Variants in LRFN4 observed in about 807,000 individuals in gnomAD.
The protein encoded by LRFN4 is leucine rich repeat and fibronectin type III domain containing 4, also known as leucine-rich repeat and fibronectin type-III domain-containing protein 4.
LRFN4 carries 10 observed loss-of-function variants against 29.0 expected under a neutral mutation model. The observed-to-expected ratio is 0.35, with a 90% CI of 0.21 to 0.59. The LOEUF is 0.59. LRFN4 is among the 20% of genes least tolerant of loss of function. The pLI, the probability that LRFN4 is intolerant of heterozygous loss-of-function variation, is 0.82. For missense variants in LRFN4, 850 were observed against 907.9 expected (o/e 0.94, Z 0.82); for synonymous variants, 493 against 437.0 (o/e 1.13, Z -1.60).
chr11:66,857,594 A>C lies in LRFN4; in HGVS notation c.-151A>C. On this transcript the variant is annotated 5_prime_UTR_variant, in exon 1 of 2. Coordinates refer to ENST00000309602, the MANE Select transcript of LRFN4 (RefSeq NM_024036.5). This position sits in a 1 kb window ranked among gnomAD's most constrained non-coding sequence, Gnocchi z 7.1. ...GCCCTGCAGGCCCCAACCTTCCCTC[A>C]TCTCTGGCGGCCCTCTTGGGCCTCT... The C allele has an allele frequency of 1.3e-6, 1 of 795,096 alleles. No homozygotes were observed. Among genetic ancestry groups the C allele is most frequent in the Middle Eastern group, 3.8e-4 (1 of 2,616 alleles). The allele number at this position is 795,096 out of a possible 1,614,324, so 49.3% of individuals were successfully genotyped here. A position where few individuals can be genotyped will look rare whatever the true frequency, so the allele number is the denominator to read the frequency against.
Position 66,860,123 on chromosome 11 carries a change from TG to T in LRFN4, c.1842del (p.Leu615CysfsTer9). The stretch of plus-strand genomic sequence containing the variant: ...GGGCCCGACGGAGCCACTCTGTGCA[TG>T]GGGGGCTGCTCGGGGCAGGGTGCCG... ...AWARRSHSVH[G>X]GLLGAGCRGV... On this transcript the variant is annotated frameshift_variant, in exon 2 of 2. Coordinates refer to ENST00000309602, the MANE Select transcript of LRFN4 (RefSeq NM_024036.5). LOFTEE classifies it high-confidence loss of function. 2 of 1,550,508 alleles carry T rather than the reference TG, an allele frequency of 1.3e-6. No homozygotes were observed.
rs758732336 is a variant in LRFN4 at position 66,859,020 on chromosome 11, G to A, written c.1276G>A (p.Gly426Arg). 6.0e-6 allele frequency: 9 copies of A among 1,512,020 alleles called. No homozygotes were observed. In the East Asian group the frequency reaches 9.3e-5, roughly 16 times the overall value. The allele number at this position is 1,512,020 out of a possible 1,614,324, so 93.7% of individuals were successfully genotyped here. Residue 426 changes from glycine to arginine, a missense_variant, in exon 1 of 2, where the codon GGG (glycine) becomes AGG (arginine). This residue lies in a region of LRFN4 where 744 missense variants were observed against 753.8 expected (regional missense o/e 0.99). Transcript: ENST00000309602. ...CTCAGGGCTGGTGAGCTGGGGTCCCGGGCGGCCAGCCGACCCAGTGTGGAT... is the reference window on the plus strand; with the variant it reads ...CTCAGGGCTGGTGAGCTGGGGTCCCAGGCGGCCAGCCGACCCAGTGTGGAT... ...ATSGLVSWGPGRPADPVWMFQ... is the reference protein window; with the variant it reads ...ATSGLVSWGPRRPADPVWMFQ...
chr11:66,858,549 T>C lies in LRFN4; in HGVS notation c.805T>C (p.Trp269Arg). ...SPPGLAGRYF[W>R]AVPEGEFSCE... Reference sequence around the variant, plus strand: ...GCCCGGCCTGGCCGGCCGCTACTTCTGGGCAGTGCCCGAGGGCGAGTTCTC... The same window carrying C: ...GCCCGGCCTGGCCGGCCGCTACTTCCGGGCAGTGCCCGAGGGCGAGTTCTC... Residue 269 changes from tryptophan to arginine, a missense_variant, in exon 1 of 2, where the codon TGG becomes CGG. Trp to Arg is a moderately radical substitution (Grantham distance 101). Coordinates refer to ENST00000309602, the MANE Select transcript of LRFN4 (RefSeq NM_024036.5). This position sits in a 1 kb window ranked among gnomAD's most constrained non-coding sequence, Gnocchi z 5.9. 2.0e-6 allele frequency: 3 copies of C among 1,533,714 alleles called. No individual in the cohort carries two copies. The highest frequency in any genetic ancestry group is 2.4e-5 in the South Asian group (2 of 83,938).
In LRFN4 at chr11:66,860,005, C is replaced by T. The variant is rs762711021; in HGVS notation, c.1718C>T (p.Pro573Leu). Residue 573 changes from proline to leucine, a missense_variant, in exon 2 of 2, where the codon CCG becomes CTG. By Grantham distance (98) the Pro-to-Leu change is moderately conservative. This residue lies in a region of LRFN4 where 744 missense variants were observed against 753.8 expected (regional missense o/e 0.99). Coordinates refer to ENST00000309602, the MANE Select transcript of LRFN4 (RefSeq NM_024036.5). Reference sequence around the variant, plus strand: ...AGCCCCACACCCAAGGCCCACCCGCCGCGGAGCCCCCCGCCCCGGCCGCAG... The same window carrying T: ...AGCCCCACACCCAAGGCCCACCCGCTGCGGAGCCCCCCGCCCCGGCCGCAG... ...GPSPTPKAHP[P>L]RSPPPRPQRS... is the part of the protein sequence containing the mutation. 3.7e-4 allele frequency: 590 copies of T among 1,592,822 alleles called. No individual in the cohort carries two copies. The highest frequency in any genetic ancestry group is 4.4e-4 in the Non-Finnish European group (520 of 1,169,796).
chr11:66,859,738 C>T lies in LRFN4; in HGVS notation c.1451C>T (p.Ser484Phe). ...GCCTTGTCACCGGCCGCTGGGCCCT[C>T]TGACCTCACGGCCACCAGGCTGCTG... ...LLALSPAAGP[S>F]DLTATRLLGC... is the part of the protein sequence containing the mutation. Residue 484 changes from serine (S) to phenylalanine (F), a missense_variant, in exon 2 of 2, where the codon TCT (serine) becomes TTT (phenylalanine). By Grantham distance (155) the Ser-to-Phe change is radical (BLOSUM62 -2). Coordinates refer to ENST00000309602, the MANE Select transcript of LRFN4 (RefSeq NM_024036.5). 3 of 1,610,486 alleles carry T rather than the reference C, an allele frequency of 1.9e-6. No individual in the cohort carries two copies. The Middle Eastern group carries it at 5.0e-4, about 266-fold the overall frequency.
At position 66,858,829 on chromosome 11, in the gene LRFN4, C is replaced by T. The variant is rs1946050281; in HGVS notation, c.1085C>T (p.Ala362Val). The change falls in exon 1 of 2, where the codon GCC becomes GTC. Residue 362 changes from alanine to valine, a missense_variant. Ala to Val is a moderately conservative substitution (Grantham distance 64). This residue lies in a region of LRFN4 where 744 missense variants were observed against 753.8 expected (regional missense o/e 0.99). Coordinates refer to ENST00000309602, the MANE Select transcript of LRFN4 (RefSeq NM_024036.5). This position sits in a 1 kb window ranked among gnomAD's most constrained non-coding sequence, Gnocchi z 5.9. ...ACCAACCCTGCTGGTGAGGCCACAG[C>T]CCGAGTAGAACTGCGGGTGCTGGCC... The part of the protein sequence containing the change: ...IATNPAGEAT[A>V]RVELRVLALP... 2 of 1,551,062 alleles carry T rather than the reference C, an allele frequency of 1.3e-6. No individual in the cohort carries two copies. The highest frequency in any genetic ancestry group is 8.7e-7 in the Non-Finnish European group (1 of 1,148,902).
rs755956386 is a variant in LRFN4 at position 66,858,506 on chromosome 11, G to A, written c.762G>A (p.Leu254=). The change falls in exon 1 of 2, where the codon CTG becomes CTA. Residue 254 remains leucine (L), a synonymous_variant. Coordinates refer to ENST00000309602, the MANE Select transcript of LRFN4 (RefSeq NM_024036.5). This position sits in a 1 kb window ranked among gnomAD's most constrained non-coding sequence, Gnocchi z 5.9. Reference sequence around the variant, plus strand: ...GGCGGCTGGCGCGGCCGGACGACCTGGAAACGTGCGCCTCCCCGCCCGGCC... The same window carrying A: ...GGCGGCTGGCGCGGCCGGACGACCTAGAAACGTGCGCCTCCCCGCCCGGCC... ...WLRRLARPDD[L]ETCASPPGLA... 23 of 1,536,290 alleles carry A rather than the reference G, an allele frequency of 1.5e-5. No homozygotes were observed. The South Asian group carries it at 2.7e-4, about 18-fold the overall frequency.
rs1459278714 is a variant in LRFN4 at position 66,857,933 on chromosome 11, G to A, written c.189G>A (p.Leu63=). Reference sequence around the variant, plus strand: ...TGGCTGACAACTTCATCCAGGCCCTGGGGCCCCCTGACTTCCGCAACATGA... The same window carrying A: ...TGGCTGACAACTTCATCCAGGCCCTAGGGCCCCCTGACTTCCGCAACATGA... The part of the protein sequence containing the change: ...LRLADNFIQA[L]GPPDFRNMTG... Residue 63 remains leucine (L), a synonymous_variant, in exon 1 of 2, where the codon CTG becomes CTA. Coordinates refer to ENST00000309602, the MANE Select transcript of LRFN4 (RefSeq NM_024036.5). The surrounding 1 kb of genome is among the most constrained non-coding windows in gnomAD (Gnocchi z 7.1). The A allele has an allele frequency of 6.2e-7, 1 of 1,612,364 alleles. No individual in the cohort carries two copies. The highest frequency in any genetic ancestry group is 1.3e-5 in the African/African-American group (1 of 75,026).
rs1024026408 is a variant in LRFN4 at position 66,860,434 on chromosome 11, A to T, written c.*239A>T. ...GCAGGGGCTGCAGCCACCCACTGGG[A>T]GTCTTGTTTTTATTTATAATAAAAT... On this transcript the variant is annotated 3_prime_UTR_variant, in exon 2 of 2. Transcript: ENST00000309602. 1.4e-5 allele frequency: 10 copies of T among 706,262 alleles called. No homozygotes were observed. Among genetic ancestry groups the T allele is most frequent in the Non-Finnish European group, 2.6e-5 (10 of 388,642 alleles). 43.7% of individuals were successfully genotyped at this position (706,262 alleles called of 1,614,324 possible). A position where few individuals can be genotyped will look rare whatever the true frequency, so the allele number is the denominator to read the frequency against.
chr11:66,857,878 A>T lies in LRFN4; in HGVS notation c.134A>T (p.Asn45Ile). Reference sequence around the variant, plus strand: ...CGAGGCCTGCTGTTTGTGCCGCCCAACGTGGACCGGCGCACAGTGGAGCTG... The same window carrying T: ...CGAGGCCTGCTGTTTGTGCCGCCCATCGTGGACCGGCGCACAGTGGAGCTG... ...AHRGLLFVPP[N>I]VDRRTVELRL... The change falls in exon 1 of 2, where the codon AAC (asparagine) becomes ATC (isoleucine). Residue 45 changes from asparagine (N) to isoleucine (I), a missense_variant. Asn to Ile is a moderately radical substitution (Grantham distance 149). Coordinates refer to ENST00000309602, the MANE Select transcript of LRFN4 (RefSeq NM_024036.5). The surrounding 1 kb of genome is among the most constrained non-coding windows in gnomAD (Gnocchi z 7.1). 1 of 1,610,910 alleles carries T rather than the reference A, an allele frequency of 6.2e-7. No individual in the cohort carries two copies. Among genetic ancestry groups the T allele is most frequent in the Non-Finnish European group, 8.5e-7 (1 of 1,179,864 alleles).
chr11:66,859,709 G>C lies in LRFN4; in HGVS notation c.1422G>C (p.Leu474=). ...LVPGADYDLC[L]LALSPAAGPS... is the part of the protein sequence containing the mutation. ...CCGGCGCTGACTATGACCTCTGCCT[G>C]CTGGCCTTGTCACCGGCCGCTGGGC... Residue 474 remains leucine, a synonymous_variant, in exon 2 of 2, where the codon CTG becomes CTC. Transcript: ENST00000309602. 6.2e-7 allele frequency: 1 copy of C among 1,612,340 alleles called. No individual in the cohort carries two copies. Among genetic ancestry groups the C allele is most frequent in the Non-Finnish European group, 8.5e-7 (1 of 1,179,652 alleles).
intron 1 of LRFN4, 37 bp from the exon 2 acceptor site, chr11:66,859,600 C>T: frequency 1.2e-6 from 2 of 1,611,206 alleles, no homozygotes; most frequent in Non-Finnish European, 1.7e-6. Context: ...GGGCTAGACC[C>T]CAGCCCCGGG....
chr11:66,858,501 G>T lies in LRFN4; in HGVS notation c.757G>T (p.Asp253Tyr). 6.5e-7 allele frequency: 1 copy of T among 1,537,268 alleles called. No individual in the cohort carries two copies. Among genetic ancestry groups the T allele is most frequent in the South Asian group, 1.2e-5 (1 of 84,212 alleles). Residue 253 changes from aspartate to tyrosine, a missense_variant, in exon 1 of 2, where the codon GAC (aspartate) becomes TAC (tyrosine). Coordinates refer to ENST00000309602, the MANE Select transcript of LRFN4 (RefSeq NM_024036.5). This position sits in a 1 kb window ranked among gnomAD's most constrained non-coding sequence, Gnocchi z 5.9. ...LWLRRLARPD[D>Y]LETCASPPGL... ...GCTGCGGCGGCTGGCGCGGCCGGAC[G>T]ACCTGGAAACGTGCGCCTCCCCGCC... is the stretch of plus-strand genomic sequence containing the variant.
At position 66,858,721 on chromosome 11, in the gene LRFN4, C is replaced by T. The variant is rs1335675640; in HGVS notation, c.977C>T (p.Ser326Phe). Residue 326 changes from serine to phenylalanine, a missense_variant, in exon 1 of 2, where the codon TCC becomes TTC. Coordinates refer to ENST00000309602, the MANE Select transcript of LRFN4 (RefSeq NM_024036.5). The surrounding 1 kb of genome is among the most constrained non-coding windows in gnomAD (Gnocchi z 5.9). ...GPDDRLVGNS[S>F]RARAFPNGTL... ...GACGACCGGTTGGTTGGCAACTCCT[C>T]CCGAGCCCGGGCTTTCCCCAACGGG... 5.2e-6 allele frequency: 8 copies of T among 1,552,614 alleles called. No homozygotes were observed. Among genetic ancestry groups the T allele is most frequent in the African/African-American group, 2.7e-5 (2 of 73,458 alleles).
chr11:66,859,208 G>T (rs903609817), intron 1 of LRFN4, 115 bp downstream of exon 1: 11 of 1,293,900 alleles, frequency 8.5e-6, no homozygotes, highest in Non-Finnish European at 1.1e-5. Context: ...CCCCCTCCCC[G>T]ACCATGGCTG....
chr11:66,859,487 ACT>A (rs1555021128), intron 1 of LRFN4, 148 bp from the exon 2 acceptor site: 2 of 1,446,218 alleles, frequency 1.4e-6, no homozygotes, highest in Non-Finnish European at 1.8e-6. Flanking sequence ...TCCTGGCCAC[ACT>A]CTCCAGCCTG....
At position 66,858,557 on chromosome 11, in the gene LRFN4, G is replaced by A. The variant is rs983248854; in HGVS notation, c.813G>A (p.Val271=). 8 of 1,532,912 alleles carry A rather than the reference G, an allele frequency of 5.2e-6. No individual in the cohort carries two copies. Among genetic ancestry groups the A allele is most frequent in the South Asian group, 2.4e-5 (2 of 83,904 alleles). The allele number at this position is 1,532,912 out of a possible 1,614,324, so 95.0% of individuals were successfully genotyped here. ...PGLAGRYFWA[V]PEGEFSCEPP... Reference sequence around the variant, plus strand: ...TGGCCGGCCGCTACTTCTGGGCAGTGCCCGAGGGCGAGTTCTCCTGTGAGC... The same window carrying A: ...TGGCCGGCCGCTACTTCTGGGCAGTACCCGAGGGCGAGTTCTCCTGTGAGC... Residue 271 remains valine (V), a synonymous_variant, in exon 1 of 2, where the codon GTG becomes GTA. Coordinates refer to ENST00000309602, the MANE Select transcript of LRFN4 (RefSeq NM_024036.5). This position sits in a 1 kb window ranked among gnomAD's most constrained non-coding sequence, Gnocchi z 5.9.
rs552808171 is a variant in LRFN4, at chr11:66,858,498, G to A, written c.754G>A (p.Asp252Asn). The A allele has an allele frequency of 2.0e-6, 3 of 1,537,784 alleles. No individual in the cohort carries two copies. The East Asian group carries it at 7.3e-5, about 37-fold the overall frequency. The change falls in exon 1 of 2, where the codon GAC becomes AAC. Residue 252 changes from aspartate (D) to asparagine (N), a missense_variant. Asp to Asn is a conservative substitution (Grantham distance 23). Coordinates refer to ENST00000309602, the MANE Select transcript of LRFN4 (RefSeq NM_024036.5). This position sits in a 1 kb window ranked among gnomAD's most constrained non-coding sequence, Gnocchi z 5.9. ...GTGGCTGCGGCGGCTGGCGCGGCCG[G>A]ACGACCTGGAAACGTGCGCCTCCCC... ...LLWLRRLARP[D>N]DLETCASPPG...
chr11:66,859,857 G>A lies in LRFN4; in HGVS notation c.1570G>A (p.Gly524Ser). 6.4e-7 allele frequency: 1 copy of A among 1,563,324 alleles called. No homozygotes were observed. The highest frequency in any genetic ancestry group is 8.7e-7 in the Non-Finnish European group (1 of 1,154,134). Residue 524 changes from glycine to serine, a missense_variant, in exon 2 of 2, where the codon GGT becomes AGT. Transcript: ENST00000309602. Reference protein sequence around the residue: ...LGGTLTVAVGGVLVAALLVFT... With the variant: ...LGGTLTVAVGSVLVAALLVFT... ...CGGGACCCTGACCGTGGCCGTGGGG[G>A]GTGTGCTGGTGGCTGCCTTACTGGT...
Sources: gnomAD v4.1 joint callset for allele counts on GRCh38, gnomAD v4.1.1 for gene constraint, gnomAD v4.1.1 regional missense constraint, Gnocchi (gnomAD v3.1) non-coding constraint, MANE v1.5 for transcripts, NCBI Gene and HGNC (gene_info 2026-07-23, HGNC 2026-07-21) for gene names.